The following UBE2E2 variants were observed in gnomAD, a reference collection of about 807,000 sequenced individuals.
UBE2E2 encodes the protein ubiquitin conjugating enzyme E2 E2, also known as ubiquitin-conjugating enzyme E2 E2.
UBE2E2 carries 6 observed loss-of-function variants against 24.7 expected under a neutral mutation model. The ratio of observed to expected loss-of-function variants is 0.24; its 90% CI spans 0.13 to 0.48. The LOEUF is 0.48. Among genes scored for constraint, UBE2E2 ranks in the 20% least tolerant of loss-of-function variants. The pLI is 0.99. For missense variants in UBE2E2, 169 were observed against 245.0 expected (o/e 0.69, Z 2.07); for synonymous variants, 104 against 83.6 (o/e 1.24, Z -1.33).
At chr3:23,586,578 G>A (rs910636182) in intron 5 of UBE2E2, among the ~76,000 whole-genome samples, 2 of 152,238 alleles carry the variant, frequency 1.3e-5, no homozygotes, top group South Asian at 2.1e-4. Context: ...GATTACAGAC[G>A]TGAGCCATCT....
intron 4 of UBE2E2, among the ~76,000 whole-genome samples, chr3:23,500,467 G>T (rs553519090): frequency 8.7e-4 from 132 of 152,202 alleles, no homozygotes; most frequent in African/African-American, 2.9e-3. Context: ...TCGGATATTT[G>T]ACTGTTTTAA....
intron 3 of UBE2E2, chr3:23,323,434 G>A (rs775939533): frequency 3.8e-5 from 13 of 339,878 alleles, no homozygotes; most frequent in Middle Eastern, 7.6e-4. Flanking sequence ...TGACCCCAGG[G>A]CTAGCTCAGG....
At chr3:23,442,963 A>G (rs1259480652) in intron 3 of UBE2E2, among the ~76,000 whole-genome samples, 1 of 152,212 alleles carries the variant, frequency 6.6e-6, no homozygotes, top group African/African-American at 2.4e-5. Flanking sequence ...GTAATTTAAA[A>G]TTAACAGCTT....
At chr3:23,359,044 A>G (rs1232006163) in intron 3 of UBE2E2, among the ~76,000 whole-genome samples, 1 of 152,222 alleles carries the variant, frequency 6.6e-6, no homozygotes, top group African/African-American at 2.4e-5. Context: ...GGGGATGATC[A>G]TGAAGCAGCC....
intron 3 of UBE2E2, among the ~76,000 whole-genome samples, chr3:23,357,109 A>G (rs1695978275): frequency 6.6e-6 from 1 of 152,198 alleles, no homozygotes; most frequent in South Asian, 2.1e-4. Flanking sequence ...CATTGGCCAG[A>G]ATAGTTGCAT....
Position 23,532,576 on chromosome 3 carries a change from A to C in UBE2E2, c.383A>C (p.Tyr128Ser). The C allele has an allele frequency of 6.5e-7, 1 of 1,535,602 alleles. No individual in the cohort carries two copies. Among genetic ancestry groups the C allele is most frequent in the Non-Finnish European group, 8.9e-7 (1 of 1,125,992 alleles). The change falls in exon 5 of 6, where the codon TAT (tyrosine) becomes TCT (serine). Residue 128 changes from tyrosine (Y) to serine (S), a missense_variant. Tyr to Ser is a moderately radical substitution (Grantham distance 144). Around this residue, in one of 2 missense-constraint regions of UBE2E2, gnomAD observed 105 missense variants for 180.7 expected, o/e 0.58. Coordinates refer to ENST00000396703, the MANE Select transcript of UBE2E2 (RefSeq NM_152653.4). ...TAGGTTACCTTCCGAACAAGAATCT[A>C]TCACTGTAATATTAACAGCCAAGGT... is the stretch of plus-strand genomic sequence containing the variant. ...PPKVTFRTRIYHCNINSQGVI... is the reference protein window; with the variant it reads ...PPKVTFRTRISHCNINSQGVI...
chr3:23,309,465 A>T (rs1699319283), intron 3 of UBE2E2, among the ~76,000 whole-genome samples: 1 of 152,204 alleles, frequency 6.6e-6, no homozygotes, highest in Non-Finnish European at 1.5e-5. Flanking sequence ...GAAATGTATC[A>T]GTTATTTATT....
intron 1 of UBE2E2, among the ~76,000 whole-genome samples, chr3:23,207,406 G>A (rs1042730375): frequency 1.3e-5 from 2 of 150,512 alleles, no homozygotes; most frequent in African/African-American, 4.9e-5. Flanking sequence ...AGCCTTGAGG[G>A]ATATTTTAGC....
intron 3 of UBE2E2, among the ~76,000 whole-genome samples, chr3:23,283,606 A>T (rs2125373256): frequency 6.6e-6 from 1 of 152,224 alleles, no homozygotes; most frequent in East Asian, 1.9e-4. Flanking sequence ...ACACACTTAT[A>T]GTCTCAGCAG....
At chr3:23,482,735 T>C (rs983949862) in intron 3 of UBE2E2, among the ~76,000 whole-genome samples, 1 of 152,154 alleles carries the variant, frequency 6.6e-6, no homozygotes, top group Admixed American at 6.5e-5. Context: ...TCCAGGTTTA[T>C]GAGATTAAAT....
intron 3 of UBE2E2, among the ~76,000 whole-genome samples, chr3:23,385,305 C>T (rs1696782474): frequency 6.6e-6 from 1 of 152,148 alleles, no homozygotes; most frequent in African/African-American, 2.4e-5. Flanking sequence ...ATTGCATTTA[C>T]AAAAATGATT....
chr3:23,531,015 T>C (rs1695111317), intron 4 of UBE2E2, among the ~76,000 whole-genome samples: 2 of 152,234 alleles, frequency 1.3e-5, no homozygotes, highest in African/African-American at 4.8e-5. Flanking sequence ...TCAACATTTC[T>C]AGGCATTTAA....
At chr3:23,331,842 T>G (rs1442841613) in intron 3 of UBE2E2, among the ~76,000 whole-genome samples, 1 of 152,228 alleles carries the variant, frequency 6.6e-6, no homozygotes, top group Non-Finnish European at 1.5e-5. Context: ...TCACATGATT[T>G]AGCTTACATT....
rs1182485290 is a variant in UBE2E2, at chr3:23,246,193, C to G, written c.227+28881C>G. 3.4e-5 allele frequency among the ~76,000 whole-genome samples: 5 copies of G among 147,912 alleles called. No homozygotes were observed. In the East Asian group the frequency reaches 9.9e-4, roughly 29 times the overall value. ...ACCTCAGCCTCCCAAGTAGTTGGGA[C>G]TACAGGTGTATGCCACCATGCGTGG... On this transcript the variant is annotated intron_variant, in intron 3 of 5. Transcript: ENST00000396703.
chr3:23,358,544 G>A (rs1458692366), intron 3 of UBE2E2, among the ~76,000 whole-genome samples: 1 of 152,118 alleles, frequency 6.6e-6, no homozygotes, highest in Admixed American at 6.5e-5. Flanking sequence ...AAACTGAGCT[G>A]ATAGTTGAGA....
intron 3 of UBE2E2, among the ~76,000 whole-genome samples, chr3:23,360,564 C>T (rs1696086174): frequency 6.6e-6 from 1 of 152,066 alleles, no homozygotes; most frequent in South Asian, 2.1e-4. Flanking sequence ...ATGAAATCTT[C>T]CTGACATGGT....
chr3:23,312,308 T>C (rs1463987080), intron 3 of UBE2E2, among the ~76,000 whole-genome samples: 1 of 152,222 alleles, frequency 6.6e-6, no homozygotes, highest in Non-Finnish European at 1.5e-5. Context: ...GCATGAGATA[T>C]TTTGATGCAG....
At chr3:23,572,303 C>CT (rs1215842651) in intron 5 of UBE2E2, among the ~76,000 whole-genome samples, 4 of 152,168 alleles carry the variant, frequency 2.6e-5, no homozygotes, top group African/African-American at 4.8e-5. Context: ...AAAAACCCAA[C>CT]TTTGTCCTAA....
At chr3:23,275,307 C>T (rs1307421023) in intron 3 of UBE2E2, among the ~76,000 whole-genome samples, 4 of 152,024 alleles carry the variant, frequency 2.6e-5, no homozygotes, top group Admixed American at 6.6e-5. Context: ...GGTAAAAGGA[C>T]GTGTTTTAGG....
Sources: allele counts gnomAD v4.1 joint callset (sites outside exome capture counted in the v4.1 genomes callset), GRCh38; gene constraint gnomAD v4.1.1; regional missense constraint gnomAD v4.1.1; transcripts MANE v1.5; gene names NCBI Gene and HGNC (gene_info 2026-07-23, HGNC 2026-07-21).